NPHP4: variants seen among roughly 807,000 people sequenced by gnomAD.
The protein encoded by NPHP4 is nephrocystin 4.
NPHP4 carries 151 observed loss-of-function variants against 155.8 expected under a neutral mutation model. That is an observed-to-expected ratio of 0.97 (90% confidence interval 0.85 to 1.11). NPHP4 has a LOEUF of 1.11. Among genes scored for constraint, NPHP4 ranks in the 50% least tolerant of loss-of-function variants. The pLI is 0.00. For synonymous variants in NPHP4, 845 were observed against 816.8 expected, an observed-to-expected ratio of 1.03 and a Z score of -0.59; for missense variants, 1,956 against 1,925.7, an observed-to-expected ratio of 1.02 and a Z score of -0.29.
intron 1 of NPHP4, among the ~76,000 whole-genome samples, chr1:5,987,647 T>A (rs1479155848): frequency 6.6e-6 from 1 of 152,200 alleles, no homozygotes; most frequent in East Asian, 1.9e-4. Context: ...AGTACACACG[T>A]TCTTAATTTT....
Position 5,916,529 on chromosome 1 carries a change from T to C in NPHP4, c.1442-7316A>G, listed in dbSNP as rs544726205. ...ATAAACTCAGTGAAATCAGGGTCCA[T>C]CCATGTAGATTTGCTGGTCCCCAAA... On this transcript the variant is annotated intron_variant, in intron 11 of 29. Coordinates refer to ENST00000378156, the MANE Select transcript of NPHP4 (RefSeq NM_015102.5). 4.6e-5 allele frequency among the ~76,000 whole-genome samples: 7 copies of C among 152,290 alleles called. No individual in the cohort carries two copies. The East Asian group carries it at 1.4e-3, about 29-fold the overall frequency.
intron 3 of NPHP4, among the ~76,000 whole-genome samples, chr1:5,975,548 TC>T (rs1210118043): frequency 6.6e-6 from 1 of 152,008 alleles, no homozygotes; most frequent in Admixed American, 6.5e-5. Context: ...GTTCCACTAG[TC>T]CCCCGGGCCC....
intron 19 of NPHP4, chr1:5,879,237 G>A (rs1642957434): frequency 7.6e-6 from 2 of 263,442 alleles, no homozygotes; most frequent in African/African-American, 4.5e-5. Flanking sequence ...CGGCAGCTGT[G>A]AATTCACACA....
intron 2 of NPHP4, among the ~76,000 whole-genome samples, chr1:5,979,323 G>C (rs1464421623): frequency 3.3e-5 from 5 of 151,372 alleles, no homozygotes; most frequent in Non-Finnish European, 5.9e-5. Context: ...AACGGGGAGA[G>C]AGGTGGGTGG....
chr1:5,880,489 A>G lies in NPHP4; in HGVS notation c.2486-250T>C, dbSNP rs115461788. 2.0e-3 allele frequency: 1,004 copies of G among 492,468 alleles called. 3 individuals carry two copies. Among genetic ancestry groups the G allele is most frequent in the African/African-American group, 0.018 (936 of 51,750 alleles). 30.5% of individuals were successfully genotyped at this position (492,468 alleles called of 1,614,324 possible). ...GGCAGCCTCCGTTTCCTGGTGACGAATGAAAGCGTGTGGCACTCACAGTTC... is the reference window on the plus strand; with the variant it reads ...GGCAGCCTCCGTTTCCTGGTGACGAGTGAAAGCGTGTGGCACTCACAGTTC... On this transcript the variant is annotated intron_variant, in intron 18 of 29. Coordinates refer to ENST00000378156, the MANE Select transcript of NPHP4 (RefSeq NM_015102.5).
At position 5,907,155 on chromosome 1, in the gene NPHP4, GAAGT is replaced by G. The variant is rs1374085679; in HGVS notation, c.1567_1570del (p.Thr523HisfsTer30). ...GGCCTGAGAGCCATGGGGTAGCTGTGAAGTAGGCCTGGCCAAGCAGTGCTGAGTC... is the reference window on the plus strand; with the variant it reads ...GGCCTGAGAGCCATGGGGTAGCTGTGAGGCCTGGCCAAGCAGTGCTGAGTC... On this transcript the variant is annotated frameshift_variant, in exon 13 of 30. Transcript: ENST00000378156. LOFTEE classifies it high-confidence loss of function. 2 of 1,586,026 alleles carry G rather than the reference GAAGT, an allele frequency of 1.3e-6. No individual in the cohort carries two copies. The highest frequency in any genetic ancestry group is 1.7e-6 in the Non-Finnish European group (2 of 1,165,400).
chr1:5,990,058 G>T (rs529489555), intron 1 of NPHP4, among the ~76,000 whole-genome samples: 1 of 152,214 alleles, frequency 6.6e-6, no homozygotes, highest in Admixed American at 6.5e-5. Flanking sequence ...GCCCGCAGCA[G>T]CTCTCACTGC....
At chr1:5,913,031 A>T (rs1439589562) in intron 11 of NPHP4, among the ~76,000 whole-genome samples, 2 of 151,942 alleles carry the variant, frequency 1.3e-5, no homozygotes, top group Non-Finnish European at 2.9e-5. Flanking sequence ...CGCGCCTGTA[A>T]TCCTAGCTAC....
chr1:5,930,602 T>C (rs1646225532), intron 10 of NPHP4, among the ~76,000 whole-genome samples: 1 of 152,252 alleles, frequency 6.6e-6, no homozygotes, highest in African/African-American at 2.4e-5. Flanking sequence ...TTGTTATTGA[T>C]TTCTAGTTCA....
intron 9 of NPHP4, among the ~76,000 whole-genome samples, chr1:5,941,658 A>C (rs376046179): frequency 6.6e-6 from 1 of 152,264 alleles, no homozygotes; most frequent in East Asian, 1.9e-4. Flanking sequence ...TTCTGAAGCC[A>C]GAAAGTACTC....
At chr1:5,875,200 A>C in intron 20 of NPHP4, 100 bp from the exon 21 acceptor site, 1 of 918,708 alleles carries the variant, frequency 1.1e-6, no homozygotes, top group East Asian at 2.6e-5. Flanking sequence ...AGAAGAGGAC[A>C]TTTCTCCACA....
intron 23 of NPHP4, among the ~76,000 whole-genome samples, 156 bp downstream of exon 23, chr1:5,873,096 C>T (rs1009788645): frequency 2.0e-5 from 3 of 152,152 alleles, no homozygotes; most frequent in Non-Finnish European, 2.9e-5. Context: ...CCCTGCCCAG[C>T]GAGGACACGG....
At chr1:5,990,788 T>C (rs529429335) in intron 1 of NPHP4, among the ~76,000 whole-genome samples, 1 of 152,372 alleles carries the variant, frequency 6.6e-6, no homozygotes, top group South Asian at 2.1e-4. Context: ...AACCCAGGGC[T>C]AATGCTGTCT....
intron 10 of NPHP4, among the ~76,000 whole-genome samples, chr1:5,929,449 A>G (rs533207809): frequency 3.5e-4 from 53 of 152,330 alleles, no homozygotes; most frequent in African/African-American, 1.2e-3. Flanking sequence ...TGTAAACATC[A>G]CTGATTATGC....
rs570200666 is a variant in NPHP4, at chr1:5,882,482, G to A, written c.2486-2243C>T. The A allele has an allele frequency of 2.0e-5, 3 of 152,998 alleles. No homozygotes were observed. Among genetic ancestry groups the A allele is most frequent in the East Asian group, 1.9e-4 (1 of 5,174 alleles). The allele number at this position is 152,998 out of a possible 1,614,324, so 9.5% of individuals were successfully genotyped here. Reference sequence around the variant, plus strand: ...CTTGTTCTTTCTCCTTGACCTCGACGTCAGCACCATGCTGTGCAGCAGGAC... The same window carrying A: ...CTTGTTCTTTCTCCTTGACCTCGACATCAGCACCATGCTGTGCAGCAGGAC... On this transcript the variant is annotated intron_variant, in intron 18 of 29. Coordinates refer to ENST00000378156, the MANE Select transcript of NPHP4 (RefSeq NM_015102.5). This position sits in a 1 kb window ranked among gnomAD's most constrained non-coding sequence, Gnocchi z 5.1.
chr1:5,867,920 T>C lies in NPHP4; in HGVS notation c.3316-24A>G, dbSNP rs747270122. The C allele has an allele frequency of 3.7e-6, 6 of 1,613,772 alleles. No homozygotes were observed. The highest frequency in any genetic ancestry group is 5.1e-6 in the Non-Finnish European group (6 of 1,179,726). Reference sequence around the variant, plus strand: ...ACCTGTGAGGAGGCCACGCTGAGTGTTGGGATGGGCACGAGGCTTGTGAGC... The same window carrying C: ...ACCTGTGAGGAGGCCACGCTGAGTGCTGGGATGGGCACGAGGCTTGTGAGC... On this transcript the variant is annotated intron_variant, in intron 23 of 29. Coordinates refer to ENST00000378156, the MANE Select transcript of NPHP4 (RefSeq NM_015102.5). The surrounding 1 kb of genome is among the most constrained non-coding windows in gnomAD (Gnocchi z 4.1).
intron 16 of NPHP4, 35 bp from the exon 17 acceptor site, chr1:5,891,063 T>C (rs779597477): frequency 9.7e-6 from 14 of 1,437,854 alleles, no homozygotes; most frequent in East Asian, 2.4e-5. Context: ...CCAAAAGTAA[T>C]TGGAGTCATT....
intron 11 of NPHP4, among the ~76,000 whole-genome samples, chr1:5,923,054 G>A (rs7535806): frequency 0.2 from 30,441 of 152,158 alleles, 3,461 homozygotes; most frequent in African/African-American, 0.31. Flanking sequence ...TAAATGCAGC[G>A]TATGGGAGAA....
At position 5,866,331 on chromosome 1, in the gene NPHP4, C is replaced by A. The variant is rs777107756; in HGVS notation, c.3644+42G>T. 5 of 1,331,596 alleles carry A rather than the reference C, an allele frequency of 3.8e-6. No homozygotes were observed. In the East Asian group the frequency reaches 9.6e-5, roughly 26 times the overall value. The allele number at this position is 1,331,596 out of a possible 1,614,324, so 82.5% of individuals were successfully genotyped here. A position where few individuals can be genotyped will look rare whatever the true frequency, so the allele number is the denominator to read the frequency against. On this transcript the variant is annotated intron_variant, in intron 26 of 29. Transcript: ENST00000378156. ...CAGCCCCAGGCCTGCCTCCTCCTCT[C>A]CTCCGCCACCGCCTCCAGGTCCCCA...
Sources: allele counts gnomAD v4.1 joint callset (sites outside exome capture counted in the v4.1 genomes callset), GRCh38; gene constraint gnomAD v4.1.1; non-coding constraint Gnocchi (gnomAD v3.1); transcripts MANE v1.5; gene names NCBI Gene and HGNC (gene_info 2026-07-23, HGNC 2026-07-21).